STK3: variants seen among roughly 807,000 people sequenced by gnomAD.
STK3 encodes serine/threonine-protein kinase 3.
In STK3, 41 loss-of-function variants were observed where a neutral mutation model predicts 58.0. The ratio of observed to expected loss-of-function variants is 0.71; its 90% CI spans 0.55 to 0.92. STK3 has a LOEUF of 0.92. Ranked by LOEUF, STK3 falls within the 40% of genes least tolerant of loss-of-function variation. The pLI is 0.00. For synonymous variants in STK3, 170 were observed against 191.0 expected, an observed-to-expected ratio of 0.89 and a Z score of 0.91; for missense variants, 479 against 602.7, an observed-to-expected ratio of 0.79 and a Z score of 2.15.
intron 9 of STK3, among the ~76,000 whole-genome samples, chr8:98,539,515 C>G (rs999333137): frequency 4.6e-5 from 7 of 151,998 alleles, no homozygotes; most frequent in African/African-American, 7.2e-5. Flanking sequence ...AAAGCTAAAG[C>G]AGAACTTCAT....
intron 4 of STK3, chr8:98,723,076 T>G (rs530097301): frequency 3.7e-6 from 1 of 270,070 alleles, no homozygotes; most frequent in South Asian, 3.8e-5. Flanking sequence ...CCTCAATACA[T>G]TACAGATTTC....
intron 2 of STK3, among the ~76,000 whole-genome samples, chr8:98,771,384 A>C (rs990851527): frequency 5.3e-5 from 8 of 152,214 alleles, no homozygotes; most frequent in Non-Finnish European, 1.2e-4. Flanking sequence ...TGGCTATTGT[A>C]AATAATATGC....
intron 3 of STK3, among the ~76,000 whole-genome samples, chr8:98,877,213 G>A (rs1484442845): frequency 2.0e-5 from 3 of 152,060 alleles, no homozygotes; most frequent in Non-Finnish European, 4.4e-5. Context: ...AATACAAACG[G>A]GCATTTTGAT....
intron 1 of STK3, among the ~76,000 whole-genome samples, chr8:98,788,672 AAAGAC>A (rs1434061585): frequency 6.6e-6 from 1 of 152,214 alleles, no homozygotes; most frequent in Non-Finnish European, 1.5e-5. Flanking sequence ...AGCCATTAAA[AAAGAC>A]AAAGAGAGTC....
chr8:98,740,892 G>A (rs1457585047), intron 4 of STK3, among the ~76,000 whole-genome samples: 1 of 152,104 alleles, frequency 6.6e-6, no homozygotes, highest in Non-Finnish European at 1.5e-5. Context: ...ATAAAAGGAT[G>A]GAGGAAGATC....
At chr8:98,883,529 A>C (rs1837873452), downstream of STK3, 1 of 589,920 alleles carries the variant, frequency 1.7e-6, no homozygotes, top group Admixed American at 2.8e-5. Context: ...CAAGTAACAC[A>C]TCAATTTAAC....
At chr8:98,808,199 C>T (rs1346567264) in intron 1 of STK3, among the ~76,000 whole-genome samples, 1 of 152,190 alleles carries the variant, frequency 6.6e-6, no homozygotes, top group Admixed American at 6.5e-5. Flanking sequence ...TCAATCTTCT[C>T]TAAGAAGTAG....
At chr8:98,530,712 G>A (rs927509358) in intron 9 of STK3, among the ~76,000 whole-genome samples, 8 of 152,150 alleles carry the variant, frequency 5.3e-5, no homozygotes, top group South Asian at 2.1e-4. Context: ...ATGCTGTTTC[G>A]TAACATTTTA....
chr8:98,592,147 TGTAA>T (rs1214482253), intron 7 of STK3, among the ~76,000 whole-genome samples: 1 of 152,224 alleles, frequency 6.6e-6, no homozygotes, highest in Non-Finnish European at 1.5e-5. Context: ...TGTTTACATA[TGTAA>T]GTAAGGTGGC....
intron 6 of STK3, among the ~76,000 whole-genome samples, chr8:98,620,926 T>A (rs574557704): frequency 0.012 from 1,373 of 119,358 alleles, 8 homozygotes; most frequent in Non-Finnish European, 0.018. Flanking sequence ...AAACAACTGA[T>A]TTTTTTTTTT....
Position 98,768,360 on chromosome 8 carries a change from C to T in STK3, c.108-989G>A, listed in dbSNP as rs1831075807. ...GCCAATGGAAAACATCGAATGTTTC[C>T]TAATATTAGAAATCTATGCAGAAGC... On this transcript the variant is annotated intron_variant, in intron 2 of 10. Coordinates refer to ENST00000419617, the MANE Select transcript of STK3 (RefSeq NM_006281.4). Among the ~76,000 whole-genome samples the T allele has an allele frequency of 1.3e-5, 2 of 152,112 alleles. 1 individual carries two copies. Among genetic ancestry groups the T allele is most frequent in the South Asian group, 4.1e-4 (2 of 4,822 alleles).
chr8:98,861,075 A>T (rs1235569605), intron 3 of STK3, among the ~76,000 whole-genome samples: 2 of 151,944 alleles, frequency 1.3e-5, no homozygotes, highest in Admixed American at 6.6e-5. Context: ...AAAAAGAAAA[A>T]ATCTGGACAC....
chr8:98,719,393 T>C (rs1466961672), intron 4 of STK3, among the ~76,000 whole-genome samples: 1 of 152,220 alleles, frequency 6.6e-6, no homozygotes, highest in Non-Finnish European at 1.5e-5. Context: ...CTCTGATTTG[T>C]TATCTCTGCT....
Position 98,802,658 on chromosome 8 carries a change from A to G in STK3, c.26+22857T>C, listed in dbSNP as rs188994365. ...TTAGAAATAATTAGACACAAAAAAC[A>G]GTATTAATTGTAAATTATTTATAAC... On this transcript the variant is annotated intron_variant, in intron 1 of 10. Transcript: ENST00000419617. Among the ~76,000 whole-genome samples the G allele has an allele frequency of 8.6e-3, 1,312 of 152,318 alleles. 9 individuals are homozygous for G. The highest frequency in any genetic ancestry group is 0.03 in the African/African-American group (1,236 of 41,566).
At chr8:98,882,817 A>G (rs966301866), downstream of STK3, 1 of 152,238 alleles carries the variant, frequency 6.6e-6, no homozygotes, top group African/African-American at 2.4e-5. Context: ...AAGATGTTAA[A>G]CAACAATTAT....
chr8:98,525,681 T>A (rs1364085281), intron 10 of STK3, among the ~76,000 whole-genome samples: 1 of 152,140 alleles, frequency 6.6e-6, no homozygotes, highest in African/African-American at 2.4e-5. Flanking sequence ...GTTTGCAAGC[T>A]AACCTGTGAA....
At chr8:98,774,494 A>G (rs1197307174) in intron 2 of STK3, among the ~76,000 whole-genome samples, 1 of 152,172 alleles carries the variant, frequency 6.6e-6, no homozygotes, top group Non-Finnish European at 1.5e-5. Flanking sequence ...ACTCTTAAAC[A>G]TCATTTCACA....
intron 10 of STK3, among the ~76,000 whole-genome samples, chr8:98,512,548 CT>C (rs1659531181): frequency 6.6e-6 from 1 of 152,024 alleles, no homozygotes; most frequent in Admixed American, 6.6e-5. Context: ...TTGTATGAAG[CT>C]AAAAATTTCT....
rs142105880 is a variant in STK3 at position 98,833,752 on chromosome 8, A to C, written c.110+49895T>G. ...CCTTCATAACCTGAACTAGTTTTTCAGGTTTCTTTGGAATCCCTTGGCCAA... is the reference window on the plus strand; with the variant it reads ...CCTTCATAACCTGAACTAGTTTTTCCGGTTTCTTTGGAATCCCTTGGCCAA... On this transcript the variant is annotated intron_variant, in intron 3 of 12. Transcript: ENST00000523601. Among the ~76,000 whole-genome samples, 764 of 152,258 alleles carry C rather than the reference A, an allele frequency of 5.0e-3. 4 individuals are homozygous for C. Among genetic ancestry groups the C allele is most frequent in the Non-Finnish European group, 9.1e-3 (616 of 68,020 alleles).
Sources: gnomAD v4.1 joint callset for allele counts (sites outside exome capture counted in the v4.1 genomes callset) on GRCh38, gnomAD v4.1.1 for gene constraint, MANE v1.5 for transcripts, NCBI Gene and HGNC (gene_info 2026-07-23, HGNC 2026-07-21) for gene names.